AGBL4: variants seen among roughly 807,000 people sequenced by gnomAD.
The protein encoded by AGBL4 is cytosolic carboxypeptidase 6.
AGBL4 carries 58 observed loss-of-function variants against 66.4 expected under a neutral mutation model. The ratio of observed to expected loss-of-function variants is 0.87; its 90% CI spans 0.71 to 1.09. The LOEUF (loss-of-function observed/expected upper bound fraction) is 1.09, where lower values mean the gene tolerates loss of function less well. Among genes scored for constraint, AGBL4 ranks in the 50% least tolerant of loss-of-function variants. The pLI is 0.00. For missense variants in AGBL4, 579 were observed against 631.0 expected, an observed-to-expected ratio of 0.92 and a Z score of 0.88; for synonymous variants, 234 against 222.9, an observed-to-expected ratio of 1.05 and a Z score of -0.44.
intron 3 of AGBL4, among the ~76,000 whole-genome samples, chr1:49,414,392 A>C (rs1432620841): frequency 6.6e-6 from 1 of 152,188 alleles, no homozygotes; most frequent in African/African-American, 2.4e-5. Context: ...CCAAAATACC[A>C]ATAAATGGAC....
At chr1:49,590,198 T>C (rs75679461) in intron 3 of AGBL4, among the ~76,000 whole-genome samples, 2,505 of 152,142 alleles carry the variant, frequency 0.016, 28 homozygotes, top group Non-Finnish European at 0.024. Flanking sequence ...ATATTTATAG[T>C]AGCAAAAATC....
intron 3 of AGBL4, among the ~76,000 whole-genome samples, chr1:49,592,638 TACTC>T (rs1429674460): frequency 6.6e-6 from 1 of 151,974 alleles, no homozygotes; most frequent in Non-Finnish European, 1.5e-5. Context: ...ATGGAAAAAA[TACTC>T]AACATCATTA....
At chr1:49,777,743 G>C (rs1055852622) in intron 2 of AGBL4, among the ~76,000 whole-genome samples, 27 of 152,144 alleles carry the variant, frequency 1.8e-4, no homozygotes, top group Non-Finnish European at 3.5e-4. Flanking sequence ...ATCCTTTGTA[G>C]GGAAGAGGAA....
At chr1:48,524,411 T>C in the AGBL4 span, among the ~76,000 whole-genome samples, 1 of 152,136 alleles carries the variant, frequency 6.6e-6, no homozygotes, top group African/African-American at 2.4e-5. Context: ...AAAAGGGGGT[T>C]CTTGGTGAGC....
intron 2 of AGBL4, among the ~76,000 whole-genome samples, chr1:49,741,633 T>C (rs1650484034): frequency 6.6e-6 from 1 of 152,142 alleles, no homozygotes. Flanking sequence ...CTGATGAACA[T>C]CGATGCAAAA....
intron 1 of AGBL4, among the ~76,000 whole-genome samples, chr1:49,946,844 A>C (rs757949299): frequency 1.1e-3 from 169 of 152,124 alleles, no homozygotes; most frequent in Non-Finnish European, 2.1e-3. Flanking sequence ...GAAGATCCAA[A>C]TAAGCTCAAT....
intron 2 of AGBL4, among the ~76,000 whole-genome samples, chr1:49,705,984 G>A (rs1647206601): frequency 6.6e-6 from 1 of 152,106 alleles, no homozygotes; most frequent in African/African-American, 2.4e-5. Flanking sequence ...ATGTTAATCA[G>A]GGATATTGGC....
chr1:49,855,053 G>C (rs1646399582), intron 1 of AGBL4, among the ~76,000 whole-genome samples: 1 of 152,056 alleles, frequency 6.6e-6, no homozygotes, highest in Non-Finnish European at 1.5e-5. Context: ...AGTTTCCTAA[G>C]GCCTCCCCAG....
chr1:49,359,984 A>G (rs1269295406), intron 3 of AGBL4, among the ~76,000 whole-genome samples: 1 of 152,136 alleles, frequency 6.6e-6, no homozygotes, highest in Non-Finnish European at 1.5e-5. Context: ...GAGCCTGATG[A>G]GTGTCGACGT....
intron 8 of AGBL4, among the ~76,000 whole-genome samples, chr1:48,649,601 T>C (rs1243248805): frequency 1.3e-5 from 2 of 152,230 alleles, no homozygotes; most frequent in African/African-American, 4.8e-5. Flanking sequence ...GAGCTTGATC[T>C]ATCATGGTAT....
At chr1:48,546,623 G>A (rs1396611457) in intron 11 of AGBL4, among the ~76,000 whole-genome samples, 1 of 152,144 alleles carries the variant, frequency 6.6e-6, no homozygotes, top group East Asian at 1.9e-4. Flanking sequence ...GGCTTTGAAT[G>A]CCAAGTTAAG....
intron 1 of AGBL4, among the ~76,000 whole-genome samples, chr1:50,012,054 G>A (rs1424072808): frequency 6.6e-6 from 1 of 152,024 alleles, no homozygotes; most frequent in East Asian, 1.9e-4. Context: ...AGCTACTCGG[G>A]AGGCTGAGGC....
chr1:48,774,498 GA>G (rs1644983385), intron 6 of AGBL4, among the ~76,000 whole-genome samples: 1 of 152,048 alleles, frequency 6.6e-6, no homozygotes, highest in Non-Finnish European at 1.5e-5. Flanking sequence ...CTCCTCCCAA[GA>G]AAAAAACTGA....
intron 3 of AGBL4, among the ~76,000 whole-genome samples, chr1:49,611,374 CTT>C (rs35960918): frequency 1.1e-4 from 13 of 117,858 alleles, no homozygotes; most frequent in African/African-American, 2.4e-4. Flanking sequence ...CAACCATATT[CTT>C]TTTTTTTTTT....
Position 49,108,388 on chromosome 1 carries a change from CAAG to C in AGBL4, c.378-62591_378-62589del, listed in dbSNP as rs542258095. 2.6e-5 allele frequency among the ~76,000 whole-genome samples: 4 copies of C among 151,878 alleles called. No individual in the cohort carries two copies. The South Asian group carries it at 8.3e-4, about 32-fold the overall frequency. On this transcript the variant is annotated intron_variant, in intron 4 of 13. Coordinates refer to ENST00000371839, the MANE Select transcript of AGBL4 (RefSeq NM_032785.4). ...ATAGGAAGTTTTGGTACAGTTTAAA[CAAG>C]AATAAAATAAAGTAGAAAAAAGAAA...
chr1:49,792,496 T>C (rs1644625916), intron 2 of AGBL4, among the ~76,000 whole-genome samples: 1 of 152,030 alleles, frequency 6.6e-6, no homozygotes, highest in Non-Finnish European at 1.5e-5. Flanking sequence ...AACAGAATGA[T>C]TATGGTCTCC....
intron 3 of AGBL4, among the ~76,000 whole-genome samples, chr1:49,276,216 A>G (rs1644164954): frequency 1.3e-5 from 2 of 152,108 alleles, no homozygotes; most frequent in Admixed American, 1.3e-4. Flanking sequence ...ATCTATTATC[A>G]TGACTAAGAG....
intron 3 of AGBL4, among the ~76,000 whole-genome samples, chr1:49,634,081 A>G (rs1303535968): frequency 6.6e-6 from 1 of 151,928 alleles, no homozygotes; most frequent in Non-Finnish European, 1.5e-5. Flanking sequence ...TTTAAAAATT[A>G]TACTTTAAGA....
intron 3 of AGBL4, among the ~76,000 whole-genome samples, chr1:49,489,314 C>T (rs777508424): frequency 3.6e-4 from 54 of 151,824 alleles, no homozygotes; most frequent in South Asian, 1.2e-3. Flanking sequence ...CACCTGTTTG[C>T]CATTTATATG....
Sources: gnomAD v4.1 joint callset for allele counts (sites outside exome capture counted in the v4.1 genomes callset) on GRCh38, gnomAD v4.1.1 for gene constraint, MANE v1.5 for transcripts, NCBI Gene and HGNC (gene_info 2026-07-23, HGNC 2026-07-21) for gene names.